Variants in AIG1 observed in about 807,000 individuals in gnomAD.
AIG1 encodes the protein androgen induced 1, also known as androgen-induced gene 1 protein.
A neutral mutation model predicts 31.4 loss-of-function variants in AIG1; 23 were observed. That is an observed-to-expected ratio of 0.73 (90% CI 0.53 to 1.04). The LOEUF is 1.04. AIG1 is among the 50% of genes least tolerant of loss of function. The pLI, the probability that AIG1 is intolerant of heterozygous loss-of-function variation, is 0.00. For synonymous variants in AIG1, 100 were observed against 110.5 expected (o/e 0.90, Z 0.60); for missense variants, 274 against 295.0 (o/e 0.93, Z 0.52).
At chr6:143,164,716 T>G (rs1443969983) in intron 2 of AIG1, among the ~76,000 whole-genome samples, 1 of 152,114 alleles carries the variant, frequency 6.6e-6, no homozygotes, top group Non-Finnish European at 1.5e-5. Flanking sequence ...TAACTCTAGA[T>G]AGTGGGTAAT....
In AIG1 at chr6:143,319,500, A is replaced by C. The variant is rs149960738; in HGVS notation, c.516-13782A>C. ...GAGAGTGGTAGGGGAGTAAGGAATA[A>C]AAAACTACACGTTGGGTACAATGTA... On this transcript the variant is annotated intron_variant, in intron 4 of 5. Coordinates refer to ENST00000357847, the MANE Select transcript of AIG1 (RefSeq NM_016108.4). 9.2e-4 allele frequency among the ~76,000 whole-genome samples: 140 copies of C among 152,308 alleles called. 1 individual carries two copies. Among genetic ancestry groups the C allele is most frequent in the Non-Finnish European group, 1.5e-3 (104 of 68,026 alleles).
At chr6:143,061,187 C>G in intron 1 of AIG1, 121 bp downstream of exon 1, 1 of 1,214,878 alleles carries the variant, frequency 8.2e-7, no homozygotes. Flanking sequence ...CCTCCAGCAT[C>G]CACCCGTGTC....
chr6:143,272,620 T>G (rs1050106263), intron 3 of AIG1, among the ~76,000 whole-genome samples: 1 of 152,202 alleles, frequency 6.6e-6, no homozygotes, highest in African/African-American at 2.4e-5. Flanking sequence ...GGAAAATGAC[T>G]CTGCAATATG....
chr6:143,337,812 G>A (rs1332097085), intron 5 of AIG1, among the ~76,000 whole-genome samples: 1 of 152,180 alleles, frequency 6.6e-6, no homozygotes, highest in African/African-American at 2.4e-5. Context: ...GGAAGGGCAT[G>A]TGACTGACTC....
chr6:143,109,676 G>T (rs571186267), intron 1 of AIG1, among the ~76,000 whole-genome samples: 4 of 151,952 alleles, frequency 2.6e-5, no homozygotes, highest in Non-Finnish European at 5.9e-5. Context: ...TTTGAAATTG[G>T]TCTTTTTAAT....
At chr6:143,195,571 T>A (rs1790154555) in intron 3 of AIG1, among the ~76,000 whole-genome samples, 1 of 151,956 alleles carries the variant, frequency 6.6e-6, no homozygotes, top group African/African-American at 2.4e-5. Context: ...ACAGGCTGGA[T>A]TTAGGAAGGA....
chr6:143,187,587 A>T, intron 3 of AIG1: 1 of 1,536,090 alleles, frequency 6.5e-7, no homozygotes, highest in East Asian at 2.4e-5. Flanking sequence ...TTCTGCAGGG[A>T]GAGAAGGCAA....
intron 4 of AIG1, among the ~76,000 whole-genome samples, chr6:143,289,366 T>A (rs1419487272): frequency 6.6e-6 from 1 of 152,198 alleles, no homozygotes; most frequent in African/African-American, 2.4e-5. Flanking sequence ...TTATGATCTC[T>A]ATTTTAATGT....
At chr6:143,289,656 GA>G (rs1188638381) in intron 4 of AIG1, among the ~76,000 whole-genome samples, 1 of 152,104 alleles carries the variant, frequency 6.6e-6, no homozygotes, top group African/African-American at 2.4e-5. Flanking sequence ...AATTTTGGAT[GA>G]TTTTTTTGGC....
intron 1 of AIG1, among the ~76,000 whole-genome samples, chr6:143,097,248 G>A (rs911169046): frequency 3.9e-5 from 6 of 151,940 alleles, no homozygotes; most frequent in Non-Finnish European, 8.8e-5. Flanking sequence ...TTTGTAGTGG[G>A]AGAATTTCTC....
At chr6:143,120,346 A>G (rs893562442) in intron 1 of AIG1, among the ~76,000 whole-genome samples, 4 of 152,210 alleles carry the variant, frequency 2.6e-5, no homozygotes, top group African/African-American at 9.6e-5. Context: ...TGGATAATGT[A>G]TTAGTCCATT....
chr6:143,267,703 G>A (rs929520805), intron 3 of AIG1, among the ~76,000 whole-genome samples: 3 of 152,196 alleles, frequency 2.0e-5, no homozygotes, highest in Non-Finnish European at 4.4e-5. Context: ...GGAATATGGA[G>A]TCAGGGAGAT....
chr6:143,187,833 G>A (rs987381484), intron 3 of AIG1: 2 of 1,463,312 alleles, frequency 1.4e-6, no homozygotes, highest in African/African-American at 2.8e-5. Flanking sequence ...CCTTCAAGAA[G>A]TGCCATTTCT....
At chr6:143,235,339 C>G (rs1033860656) in intron 3 of AIG1, among the ~76,000 whole-genome samples, 1 of 151,982 alleles carries the variant, frequency 6.6e-6, no homozygotes, top group African/African-American at 2.4e-5. Flanking sequence ...ATACGTGTTT[C>G]TGTAACACTG....
chr6:143,130,885 C>G (rs1295781435), intron 1 of AIG1, among the ~76,000 whole-genome samples: 1 of 152,152 alleles, frequency 6.6e-6, no homozygotes, highest in Non-Finnish European at 1.5e-5. Context: ...ACCTCCACCC[C>G]TCAATAGACC....
chr6:143,120,772 T>G (rs1296920241), intron 1 of AIG1, among the ~76,000 whole-genome samples: 1 of 152,172 alleles, frequency 6.6e-6, no homozygotes, highest in African/African-American at 2.4e-5. Context: ...TGGATAGAGT[T>G]GTGTTGGGAG....
chr6:143,343,207 G>T, downstream of AIG1: 1 of 696,692 alleles, frequency 1.4e-6, no homozygotes, highest in South Asian at 1.4e-5. Context: ...GATATGGCAG[G>T]AATGATCCTG....
At chr6:143,224,259 T>A (rs1326540520) in intron 3 of AIG1, among the ~76,000 whole-genome samples, 1 of 152,190 alleles carries the variant, frequency 6.6e-6, no homozygotes, top group Non-Finnish European at 1.5e-5. Context: ...GAACTCCTCA[T>A]CTTTTACCCT....
chr6:143,208,243 C>A (rs1158060005), intron 3 of AIG1, among the ~76,000 whole-genome samples: 1 of 152,100 alleles, frequency 6.6e-6, no homozygotes, highest in Non-Finnish European at 1.5e-5. Context: ...ATAAAATTAT[C>A]TTTCTATAGT....
Sources: allele counts gnomAD v4.1 joint callset (sites outside exome capture counted in the v4.1 genomes callset), GRCh38; gene constraint gnomAD v4.1.1; transcripts MANE v1.5; gene names NCBI Gene and HGNC (gene_info 2026-07-23, HGNC 2026-07-21).